OBSL1: variants seen among roughly 807,000 people sequenced by gnomAD.
OBSL1 encodes obscurin like cytoskeletal adaptor 1, also known as obscurin-like protein 1.
A neutral mutation model predicts 172.0 loss-of-function variants in OBSL1; 160 were observed. The observed-to-expected ratio is 0.93, with a 90% CI of 0.82 to 1.06. The LOEUF is 1.06. OBSL1 is among the 50% of genes least tolerant of loss of function. The pLI, the probability that OBSL1 is intolerant of heterozygous loss-of-function variation, is 0.00. For missense variants in OBSL1, 2,681 were observed against 2,715.4 expected (o/e 0.99, Z 0.28); for synonymous variants, 1,200 against 1,196.3 (o/e 1.00, Z -0.06).
intron 14 of OBSL1, 155 bp from the exon 15 acceptor site, chr2:219,554,895 G>C (rs1695887715): frequency 1.3e-6 from 1 of 751,950 alleles, no homozygotes; most frequent in Non-Finnish European, 2.1e-6. Flanking sequence ...GAAGAAAGGA[G>C]CACGGTGGAC....
chr2:219,550,703 C>G (rs528598580), downstream of OBSL1: 97 of 1,252,208 alleles, frequency 7.7e-5, no homozygotes, highest in South Asian at 8.2e-4. Flanking sequence ...TCTGCCCCCC[C>G]ACATCACTCA....
chr2:219,549,906 G>A, downstream of OBSL1: 1 of 1,585,568 alleles, frequency 6.3e-7, no homozygotes, highest in Non-Finnish European at 8.6e-7. Flanking sequence ...AGCTCGAGGA[G>A]GCCTGCTAGG....
At chr2:219,552,727 C>T in intron 17 of OBSL1, 30 bp from the exon 18 acceptor site, 1 of 1,514,826 alleles carries the variant, frequency 6.6e-7, no homozygotes, top group Non-Finnish European at 8.9e-7. Context: ...GTGAGCGGGG[C>T]GGGGCAGAGG....
rs1368502331 is a variant in OBSL1 at position 219,558,466 on chromosome 2, G to A, written c.3227-7C>T. 1.3e-6 allele frequency: 2 copies of A among 1,563,904 alleles called. No homozygotes were observed. Among genetic ancestry groups the A allele is most frequent in the Admixed American group, 1.8e-5 (1 of 54,610 alleles). On this transcript the variant is annotated splice_region_variant and splice_polypyrimidine_tract_variant and intron_variant, in intron 9 of 20. Transcript: ENST00000404537. ...ACAATCCTCTCTGGTGGGGCTGGTG[G>A]GTGGGCATGGAGAGGGGCACATAGG...
At chr2:219,551,168 A>T (rs1695586174) in intron 20 of OBSL1, 4 of 1,390,790 alleles carry the variant, frequency 2.9e-6, no homozygotes, top group South Asian at 3.2e-5. Flanking sequence ...GAGGGCAGGA[A>T]GGAGGAGGGA....
chr2:219,551,163 C>T, intron 20 of OBSL1: 6 of 1,389,518 alleles, frequency 4.3e-6, no homozygotes, highest in East Asian at 2.7e-5. Context: ...GGGCAGAGGG[C>T]AGGAAGGAGG....
chr2:219,549,170 G>A (rs111549844), downstream of OBSL1: 734 of 1,613,928 alleles, frequency 4.5e-4, 1 homozygote, highest in Admixed American at 6.2e-4. Flanking sequence ...AGCCGGCAGC[G>A]CCGACGCGTG....
rs1438757905 is a variant in OBSL1, at chr2:219,570,366, GT to G, written c.866del (p.Asp289AlafsTer48). On this transcript the variant is annotated frameshift_variant, in exon 1 of 21. Coordinates refer to ENST00000404537, the MANE Select transcript of OBSL1 (RefSeq NM_015311.3). LOFTEE classifies it high-confidence loss of function. Reference protein sequence around the residue: ...WHWEGRPLLPDRRRLMYRDRD... With the variant: ...WHWEGRPLLPXRRRLMYRDRD... The stretch of plus-strand genomic sequence containing the variant: ...GGTCGCGGTACATGAGGCGGCGGCG[GT>G]CCGGGAGCAGCGGGCGGCCCTCCCA... The G allele has an allele frequency of 6.2e-7, 1 of 1,612,844 alleles. No homozygotes were observed. The highest frequency in any genetic ancestry group is 8.5e-7 in the Non-Finnish European group (1 of 1,179,608).
Position 219,571,383 on chromosome 2 carries a change from C to T in OBSL1, c.-151G>A, listed in dbSNP as rs924121727. The T allele has an allele frequency of 1.5e-5, 6 of 413,552 alleles. No individual in the cohort carries two copies. Among genetic ancestry groups the T allele is most frequent in the Non-Finnish European group, 2.4e-5 (6 of 253,680 alleles). The allele number at this position is 413,552 out of a possible 1,614,324, so 25.6% of individuals were successfully genotyped here. ...TCTCCCGGGCCTCCCGCTCCCGGCTCGCCTCCTTACCCTCGGCCCCGAGCT... is the reference window on the plus strand; with the variant it reads ...TCTCCCGGGCCTCCCGCTCCCGGCTTGCCTCCTTACCCTCGGCCCCGAGCT... On this transcript the variant is annotated 5_prime_UTR_variant, in exon 1 of 21. Coordinates refer to ENST00000404537, the MANE Select transcript of OBSL1 (RefSeq NM_015311.3).
At chr2:219,552,435 GCC>G in intron 18 of OBSL1, 99 bp downstream of exon 18, 1 of 1,248,742 alleles carries the variant, frequency 8.0e-7, no homozygotes, top group Non-Finnish European at 1.1e-6. Context: ...GTGGGGCGGG[GCC>G]CGTCGGAGCC....
At chr2:219,567,242 G>A (rs765754559) in intron 4 of OBSL1, 31 bp downstream of exon 4, 1 of 1,571,568 alleles carries the variant, frequency 6.4e-7, no homozygotes, top group Non-Finnish European at 8.7e-7. Context: ...GGGAGGAGAA[G>A]TGATGGGTGG....
chr2:219,549,335 A>G (rs564632806), downstream of OBSL1: 193 of 1,613,316 alleles, frequency 1.2e-4, no homozygotes, highest in South Asian at 2.0e-4. Flanking sequence ...AAACGCTTCA[A>G]TGGAGACGTC....
chr2:219,560,506 C>A (rs969924535), intron 8 of OBSL1, among the ~76,000 whole-genome samples: 1 of 152,286 alleles, frequency 6.6e-6, no homozygotes, highest in African/African-American at 2.4e-5. Flanking sequence ...GCCCCCAGGT[C>A]CCCCCAGAAT....
downstream of OBSL1, chr2:219,547,939 C>T (rs760786533): frequency 8.8e-6 from 14 of 1,593,430 alleles, no homozygotes; most frequent in Middle Eastern, 3.4e-4. Flanking sequence ...TGGGGCGCTA[C>T]GTGGTGGAGC....
rs1385896391 is a variant in OBSL1 at position 219,571,180 on chromosome 2, G to C, written c.53C>G (p.Pro18Arg). 3.4e-6 allele frequency: 5 copies of C among 1,478,410 alleles called. No individual in the cohort carries two copies. The African/African-American group carries it at 7.2e-5, about 21-fold the overall frequency. 91.6% of individuals were successfully genotyped at this position (1,478,410 alleles called of 1,614,324 possible). The stretch of plus-strand genomic sequence containing the variant: ...GCCACTTACCACCCGCACAGGCCGC[G>C]GGAAGCGCAGGAAGCACGGGGGGCT... ...QGSPPCFLRF[P>R]RPVRVVSGAE... Residue 18 changes from proline to arginine, a missense_variant, in exon 1 of 21, where the codon CCG becomes CGG. Coordinates refer to ENST00000404537, the MANE Select transcript of OBSL1 (RefSeq NM_015311.3).
At chr2:219,549,687 G>A, downstream of OBSL1, 2 of 1,607,628 alleles carry the variant, frequency 1.2e-6, no homozygotes, top group Non-Finnish European at 1.7e-6. Context: ...TTCTGCGGTG[G>A]GACTCACACC....
At chr2:219,548,661 C>T (rs532477503), downstream of OBSL1, among the ~76,000 whole-genome samples, 1 of 152,250 alleles carries the variant, frequency 6.6e-6, no homozygotes, top group East Asian at 1.9e-4. Flanking sequence ...AGAGTGATTG[C>T]GTGGACCCTC....
downstream of OBSL1, among the ~76,000 whole-genome samples, chr2:219,548,436 T>C (rs1266729231): frequency 6.6e-6 from 1 of 152,138 alleles, no homozygotes; most frequent in Non-Finnish European, 1.5e-5. Context: ...TGCAGGATAA[T>C]GTGAAAGAAT....
Position 219,552,527 on chromosome 2 carries a change from C to G in OBSL1, c.5308+9G>C. The G allele has an allele frequency of 4.4e-6, 7 of 1,593,464 alleles. No homozygotes were observed. In the South Asian group the frequency reaches 6.7e-5, roughly 15 times the overall value. The stretch of plus-strand genomic sequence containing the variant: ...CGAGGGGCCCGAAAGGGTAACCAGG[C>G]GGGCAGACCTTCCTGTCGGATGCGG... On this transcript the variant is annotated intron_variant, in intron 18 of 20. Coordinates refer to ENST00000404537, the MANE Select transcript of OBSL1 (RefSeq NM_015311.3).
Sources: allele counts gnomAD v4.1 joint callset (sites outside exome capture counted in the v4.1 genomes callset), GRCh38; gene constraint gnomAD v4.1.1; transcripts MANE v1.5; gene names NCBI Gene and HGNC (gene_info 2026-07-23, HGNC 2026-07-21).